The following ARAP2 variants were observed in gnomAD, a reference collection of about 807,000 sequenced individuals.
ARAP2 encodes ArfGAP with RhoGAP domain, ankyrin repeat and PH domain 2.
Under a neutral mutation model 194.5 loss-of-function variants are expected in ARAP2, and 148 were observed. That is an observed-to-expected ratio of 0.76 (90% CI 0.67 to 0.87). The LOEUF (loss-of-function observed/expected upper bound fraction) is 0.87. Ranked by LOEUF, ARAP2 falls within the 40% of genes least tolerant of loss-of-function variation. The probability of loss-of-function intolerance (pLI) is 0.00; values close to 1 mark genes in which losing one functional copy is unlikely to be tolerated. For synonymous variants in ARAP2, 695 were observed against 683.5 expected (o/e 1.02, Z -0.26); for missense variants, 2,128 against 1,989.7 (o/e 1.07, Z -1.32).
rs79836201 is a variant in ARAP2 at position 36,051,011 on chromosome 4, G to A, written n.369+995C>T. ...GTAAAAATCAAAGAAATTTGTCTTC[G>A]CTTTTTCCATGTTTAAAAACTATCT... On this transcript the variant is annotated intron_variant and non_coding_transcript_variant, in intron 3 of 12. Transcript: ENST00000503225. Among the ~76,000 whole-genome samples, 476 of 152,108 alleles carry A rather than the reference G, an allele frequency of 3.1e-3. 1 individual carries two copies. Among genetic ancestry groups the A allele is most frequent in the African/African-American group, 0.011 (449 of 41,476 alleles).
intron 5 of ARAP2, among the ~76,000 whole-genome samples, chr4:36,037,763 T>C (rs1012602812): frequency 6.6e-6 from 1 of 152,182 alleles, no homozygotes; most frequent in Non-Finnish European, 1.5e-5. Flanking sequence ...AAAAAATCTT[T>C]TTAAAATTCA....
At chr4:36,074,012 T>C (rs1727663642) in intron 31 of ARAP2, among the ~76,000 whole-genome samples, 189 bp from the exon 32 acceptor site, 1 of 152,162 alleles carries the variant, frequency 6.6e-6, no homozygotes, top group Non-Finnish European at 1.5e-5. Context: ...TTAACTGAAC[T>C]GAGCTTTGAG....
At chr4:36,071,234 T>C (rs1726792893) in intron 32 of ARAP2, among the ~76,000 whole-genome samples, 1 of 152,224 alleles carries the variant, frequency 6.6e-6, no homozygotes, top group Admixed American at 6.5e-5. Context: ...TCATGTATAA[T>C]GTCACTTAAT....
chr4:36,191,128 T>C (rs1741800349), intron 7 of ARAP2, among the ~76,000 whole-genome samples: 1 of 151,570 alleles, frequency 6.6e-6, no homozygotes, highest in South Asian at 2.1e-4. Flanking sequence ...ACATTTACAG[T>C]TTATCCCCTA....
At chr4:36,025,060 A>G (rs979402711) in intron 5 of ARAP2, among the ~76,000 whole-genome samples, 7 of 152,140 alleles carry the variant, frequency 4.6e-5, no homozygotes, top group Non-Finnish European at 1.5e-5. Flanking sequence ...TACTAATCAC[A>G]TATTCAACTT....
chr4:36,114,153 G>C lies in ARAP2; in HGVS notation c.4156+17C>G, dbSNP rs1720743593. 6.8e-7 allele frequency: 1 copy of C among 1,476,524 alleles called. No homozygotes were observed. Among genetic ancestry groups the C allele is most frequent in the African/African-American group, 1.4e-5 (1 of 71,114 alleles). The allele number at this position is 1,476,524 out of a possible 1,614,324, so 91.5% of individuals were successfully genotyped here. A position where few individuals can be genotyped will look rare whatever the true frequency, so the allele number is the denominator to read the frequency against. ...AGTATAAGTAATTTAAGAATCCCTA[G>C]CATAAAAATCACTTACCTAGCTCTT... On this transcript the variant is annotated intron_variant, in intron 26 of 32. Coordinates refer to ENST00000303965, the MANE Select transcript of ARAP2 (RefSeq NM_015230.4).
intron 3 of ARAP2, among the ~76,000 whole-genome samples, chr4:36,050,619 A>G (rs1330378050): frequency 6.6e-6 from 1 of 152,094 alleles, no homozygotes; most frequent in African/African-American, 2.4e-5. Flanking sequence ...TTGAAAACTT[A>G]TTTTCTCCCT....
chr4:36,070,811 C>G (rs986299542), intron 32 of ARAP2, among the ~76,000 whole-genome samples: 2 of 152,186 alleles, frequency 1.3e-5, no homozygotes, highest in African/African-American at 4.8e-5. Context: ...ATCATCACAA[C>G]ACTTTAAACG....
At chr4:36,087,417 T>C (rs981053338) in intron 28 of ARAP2, among the ~76,000 whole-genome samples, 2 of 152,088 alleles carry the variant, frequency 1.3e-5, no homozygotes, top group African/African-American at 4.8e-5. Flanking sequence ...CAACTTGAGG[T>C]CACTGTTATT....
intron 19 of ARAP2, among the ~76,000 whole-genome samples, chr4:36,142,772 T>TC (rs1728650945): frequency 6.6e-6 from 1 of 151,692 alleles, no homozygotes; most frequent in Admixed American, 6.6e-5. Flanking sequence ...TCATCAAAGC[T>TC]CCAACACAGG....
chr4:36,161,064 G>C (rs1733793616), intron 12 of ARAP2, among the ~76,000 whole-genome samples: 1 of 151,386 alleles, frequency 6.6e-6, no homozygotes, highest in Admixed American at 6.6e-5. Context: ...TACGGCCAAG[G>C]TAAAAACAGT....
chr4:36,175,594 T>TA lies in ARAP2; in HGVS notation c.1857+2232dup, dbSNP rs920894226. Among the ~76,000 whole-genome samples, 12 of 151,948 alleles carry TA rather than the reference T, an allele frequency of 7.9e-5. No individual in the cohort carries two copies. The East Asian group carries it at 9.7e-4, about 12-fold the overall frequency. Reference sequence around the variant, plus strand: ...TGAATCTATATGATATAATGCAATTTAAAAAAAACACACACATATACACAA... The same window carrying TA: ...TGAATCTATATGATATAATGCAATTTAAAAAAAAACACACACATATACACAA... On this transcript the variant is annotated intron_variant, in intron 9 of 32. Transcript: ENST00000303965.
At chr4:36,226,562 AT>A (rs1222157495) in intron 2 of ARAP2, among the ~76,000 whole-genome samples, 4 of 151,936 alleles carry the variant, frequency 2.6e-5, no homozygotes, top group Non-Finnish European at 1.5e-5. Flanking sequence ...TCTTTTTGCA[AT>A]TCATTATTTA....
intron 6 of ARAP2, among the ~76,000 whole-genome samples, chr4:36,208,131 G>C (rs1456729901): frequency 1.3e-5 from 2 of 152,180 alleles, no homozygotes; most frequent in Non-Finnish European, 2.9e-5. Flanking sequence ...GGGAGTGATG[G>C]GGTGGCAGGG....
intron 19 of ARAP2, among the ~76,000 whole-genome samples, chr4:36,137,574 C>T (rs1381397240): frequency 4.0e-5 from 6 of 151,690 alleles, no homozygotes; most frequent in Non-Finnish European, 4.4e-5. Context: ...TATTTAAAGC[C>T]GTCTGAAACA....
chr4:36,083,275 A>C, intron 29 of ARAP2, 93 bp downstream of exon 29: 3 of 924,426 alleles, frequency 3.2e-6, no homozygotes, highest in Non-Finnish European at 4.9e-6. Context: ...TACTTTATAA[A>C]AAGTTAGACT....
intron 6 of ARAP2, among the ~76,000 whole-genome samples, chr4:36,017,215 T>G (rs1297478329): frequency 6.6e-6 from 1 of 151,864 alleles, no homozygotes; most frequent in Non-Finnish European, 1.5e-5. Context: ...TATTTCTTAT[T>G]AAATAATTAA....
intron 25 of ARAP2, among the ~76,000 whole-genome samples, chr4:36,115,979 AGATTT>A (rs1309404254): frequency 6.6e-6 from 1 of 151,994 alleles, no homozygotes; most frequent in Non-Finnish European, 1.5e-5. Context: ...GCCTTTGTAT[AGATTT>A]AAGTCACAAG....
At chr4:36,060,928 G>T (rs753889084) in intron 1 of ARAP2, among the ~76,000 whole-genome samples, 1 of 152,042 alleles carries the variant, frequency 6.6e-6, no homozygotes, top group Non-Finnish European at 1.5e-5. Context: ...CACATTCTAG[G>T]GTACTGGGAA....
Sources: allele counts gnomAD v4.1 joint callset (sites outside exome capture counted in the v4.1 genomes callset), GRCh38; gene constraint gnomAD v4.1.1; transcripts MANE v1.5; gene names NCBI Gene and HGNC (gene_info 2026-07-23, HGNC 2026-07-21).